Variants in BCL7A observed in about 807,000 individuals in gnomAD.
BCL7A encodes the protein BAF chromatin remodeling complex subunit BCL7A, also known as B-cell CLL/lymphoma 7 protein family member A.
In BCL7A, 11 loss-of-function variants were observed where a neutral mutation model predicts 28.4. The ratio of observed to expected loss-of-function variants is 0.39; its 90% CI spans 0.24 to 0.64. The LOEUF (loss-of-function observed/expected upper bound fraction) is 0.64, where lower values mean the gene tolerates loss of function less well. BCL7A is among the 30% of genes least tolerant of loss of function. The pLI is 0.50. For synonymous variants in BCL7A, 123 were observed against 103.3 expected (o/e 1.19, Z -1.15); for missense variants, 222 against 274.8 (o/e 0.81, Z 1.36).
chr12:122,022,330 G>C (rs1404222179), intron 1 of BCL7A, 147 bp downstream of exon 1: 11 of 322,582 alleles, frequency 3.4e-5, no homozygotes, highest in Non-Finnish European at 4.8e-5. Flanking sequence ...GCGGGCGGAC[G>C]GGCGGGCGGC....
At chr12:122,046,161 G>GGT (rs1352287607) in intron 4 of BCL7A, among the ~76,000 whole-genome samples, 3 of 151,932 alleles carry the variant, frequency 2.0e-5, no homozygotes, top group African/African-American at 7.3e-5. Flanking sequence ...CTAACATGGA[G>GGT]GTATATTTTG....
At chr12:122,039,139 A>G (rs1883915899) in intron 3 of BCL7A, among the ~76,000 whole-genome samples, 1 of 151,796 alleles carries the variant, frequency 6.6e-6, no homozygotes, top group Non-Finnish European at 1.5e-5. Flanking sequence ...TACTAAAAAT[A>G]CAAAAAAATT....
intron 3 of BCL7A, among the ~76,000 whole-genome samples, chr12:122,040,378 C>T (rs1213089332): frequency 2.0e-5 from 3 of 151,770 alleles, no homozygotes; most frequent in African/African-American, 7.3e-5. Flanking sequence ...ACTAAAAATA[C>T]AAAAATTAGC....
intron 4 of BCL7A, among the ~76,000 whole-genome samples, chr12:122,054,481 G>A (rs1238290752): frequency 2.0e-5 from 3 of 152,222 alleles, no homozygotes; most frequent in Admixed American, 2.0e-4. Context: ...GATTGTTGGT[G>A]CGCACTGCGG....
At chr12:122,031,867 A>G (rs1158557021) in intron 2 of BCL7A, among the ~76,000 whole-genome samples, 1 of 152,222 alleles carries the variant, frequency 6.6e-6, no homozygotes, top group Non-Finnish European at 1.5e-5. Context: ...CGTGGTTCCC[A>G]GGCCAGTTAC....
chr12:122,043,618 C>A (rs957968192), intron 3 of BCL7A, among the ~76,000 whole-genome samples: 1 of 151,474 alleles, frequency 6.6e-6, no homozygotes, highest in African/African-American at 2.4e-5. Flanking sequence ...ACTAAAAATA[C>A]AAAATTAGCC....
intron 3 of BCL7A, among the ~76,000 whole-genome samples, chr12:122,039,666 C>G (rs1027247060): frequency 6.6e-6 from 1 of 150,978 alleles, no homozygotes; most frequent in African/African-American, 2.4e-5. Context: ...CCAGCCTGGT[C>G]TCTATGGTAA....
chr12:122,046,990 G>A (rs1026876433), intron 4 of BCL7A, among the ~76,000 whole-genome samples: 2 of 148,768 alleles, frequency 1.3e-5, no homozygotes, highest in African/African-American at 5.0e-5. Context: ...TGCAACCTCC[G>A]CCTCCCAGGT....
chr12:122,042,858 C>A (rs559485419), intron 3 of BCL7A, among the ~76,000 whole-genome samples: 28 of 152,264 alleles, frequency 1.8e-4, no homozygotes, highest in Non-Finnish European at 3.7e-4. Flanking sequence ...TCCTTAATAG[C>A]TTTTAAAACC....
chr12:122,042,436 C>T (rs1883981049), intron 3 of BCL7A, among the ~76,000 whole-genome samples: 1 of 151,998 alleles, frequency 6.6e-6, no homozygotes, highest in African/African-American at 2.4e-5. Flanking sequence ...GGGCAGATCA[C>T]CTGAGGCCAA....
intron 1 of BCL7A, among the ~76,000 whole-genome samples, chr12:122,023,123 C>G (rs1883511192): frequency 6.6e-6 from 1 of 152,352 alleles, no homozygotes; most frequent in African/African-American, 2.4e-5. Context: ...GGGATCGAAC[C>G]TTTCCGCGGC....
intron 2 of BCL7A, among the ~76,000 whole-genome samples, chr12:122,034,992 T>C (rs1043922966): frequency 6.6e-6 from 1 of 152,136 alleles, no homozygotes; most frequent in African/African-American, 2.4e-5. Context: ...CCCCAGATAC[T>C]CTCCCTAAAA....
chr12:122,039,507 ATATATATAT>A (rs1301124576), intron 3 of BCL7A, among the ~76,000 whole-genome samples: 30 of 140,692 alleles, frequency 2.1e-4, no homozygotes, highest in East Asian at 1.8e-3. Context: ...TATATATATA[ATATATATAT>A]TATATATATT....
chr12:122,061,764 C>T lies in BCL7A; in HGVS notation c.*2601C>T, dbSNP rs1257221722. 4.3e-6 allele frequency: 1 copy of T among 230,840 alleles called. No homozygotes were observed. Among genetic ancestry groups the T allele is most frequent in the Non-Finnish European group, 8.6e-6 (1 of 116,270 alleles). 14.3% of individuals were successfully genotyped at this position (230,840 alleles called of 1,614,324 possible). The stretch of plus-strand genomic sequence containing the variant: ...ACATTCCACAAAGTGCTGGCACTTA[C>T]ACCCACAACCCGGAAGGCTGTGGAC... On this transcript the variant is annotated 3_prime_UTR_variant, in exon 6 of 6. Transcript: ENST00000261822.
intron 1 of BCL7A, among the ~76,000 whole-genome samples, chr12:122,023,244 T>A (rs1883516383): frequency 6.6e-6 from 1 of 152,188 alleles, no homozygotes; most frequent in Admixed American, 6.5e-5. Flanking sequence ...TTCAACTTTA[T>A]TATTTTTTTC....
Position 122,060,904 on chromosome 12 carries a change from A to C in BCL7A, c.*1741A>C, listed in dbSNP as rs1951915601. 8.8e-6 allele frequency: 2 copies of C among 227,048 alleles called. No individual in the cohort carries two copies. Among genetic ancestry groups the C allele is most frequent in the Non-Finnish European group, 1.8e-5 (2 of 113,970 alleles). The allele number at this position is 227,048 out of a possible 1,614,324, so 14.1% of individuals were successfully genotyped here. ...CTCCTGAAATAAGGGAAAAAAAAAA[A>C]ACCACAACTTTGAAAATCTTAATGT... On this transcript the variant is annotated 3_prime_UTR_variant, in exon 6 of 6. Transcript: ENST00000261822.
intron 4 of BCL7A, among the ~76,000 whole-genome samples, chr12:122,053,800 G>A (rs1281611207): frequency 6.6e-6 from 1 of 151,660 alleles, no homozygotes; most frequent in Non-Finnish European, 1.5e-5. Flanking sequence ...TTCTACTGGC[G>A]ATTCCTTGAT....
At chr12:122,052,879 G>A (rs539656245) in intron 4 of BCL7A, among the ~76,000 whole-genome samples, 5 of 133,480 alleles carry the variant, frequency 3.7e-5, no homozygotes, top group Admixed American at 2.3e-4. Flanking sequence ...GGGGGGGGGG[G>A]GGGGTTTGCC....
At chr12:122,047,499 G>A (rs1884101169) in intron 4 of BCL7A, among the ~76,000 whole-genome samples, 1 of 151,784 alleles carries the variant, frequency 6.6e-6, no homozygotes, top group South Asian at 2.1e-4. Flanking sequence ...ACTCCAGCCT[G>A]GGCGACAGAG....
Sources: gnomAD v4.1 joint callset for allele counts (sites outside exome capture counted in the v4.1 genomes callset) on GRCh38, gnomAD v4.1.1 for gene constraint, MANE v1.5 for transcripts, NCBI Gene and HGNC (gene_info 2026-07-23, HGNC 2026-07-21) for gene names.